DENND3: variants seen among roughly 807,000 people sequenced by gnomAD.
DENND3 encodes the protein DENN domain containing 3.
Under a neutral mutation model 135.1 loss-of-function variants are expected in DENND3, and 88 were observed. The observed-to-expected ratio is 0.65, with a 90% CI of 0.55 to 0.78. The LOEUF (loss-of-function observed/expected upper bound fraction) is 0.78, where lower values mean the gene tolerates loss of function less well. Ranked by LOEUF, DENND3 falls within the 30% of genes least tolerant of loss-of-function variation. DENND3 has a pLI of 0.00. For synonymous variants in DENND3, 693 were observed against 712.3 expected (o/e 0.97, Z 0.43); for missense variants, 1,392 against 1,688.4 (o/e 0.82, Z 3.08).
rs759279025 is a variant in DENND3, at chr8:141,165,277, C to A, written c.1541C>A (p.Ser514Ter). The A allele has an allele frequency of 6.2e-7, 1 of 1,613,892 alleles. No individual in the cohort carries two copies. The highest frequency in any genetic ancestry group is 8.5e-7 in the Non-Finnish European group (1 of 1,179,784). ...AFAQMDLDTQ[S>*]EEDRINGMLL... The stretch of plus-strand genomic sequence containing the variant: ...GCTCAGATGGACCTCGACACCCAGT[C>A]GGAGGAGGACAGGTGCTTCACTGTT... Residue 514 changes from serine (S) to a stop codon, truncating the protein, a stop_gained, in exon 11 of 23, where the codon TCG (serine) becomes TAG (stop). Transcript: ENST00000519811. LOFTEE classifies it high-confidence loss of function.
chr8:141,155,372 T>G (rs1360364985), intron 7 of DENND3, among the ~76,000 whole-genome samples: 1 of 152,142 alleles, frequency 6.6e-6, no homozygotes, highest in African/African-American at 2.4e-5. Flanking sequence ...GTGTAGAAAA[T>G]ATGAGGCTAT....
At chr8:141,147,695 A>G (rs1156738070) in intron 5 of DENND3, among the ~76,000 whole-genome samples, 1 of 152,112 alleles carries the variant, frequency 6.6e-6, no homozygotes, top group East Asian at 1.9e-4. Flanking sequence ...GCTTCTGTGC[A>G]TGTGTTTTTG....
chr8:141,135,030 G>A (rs1010657886), intron 1 of DENND3, among the ~76,000 whole-genome samples: 6 of 152,052 alleles, frequency 3.9e-5, no homozygotes, highest in African/African-American at 7.2e-5. Flanking sequence ...TAGTAGAGAC[G>A]GGGTTTCACT....
In DENND3 at chr8:141,175,955, T is replaced by C. The variant is rs1822277105; in HGVS notation, c.2535+496T>C. The C allele has an allele frequency of 5.3e-6, 1 of 189,018 alleles. No individual in the cohort carries two copies. The highest frequency in any genetic ancestry group is 9.2e-5 in the South Asian group (1 of 10,928). The allele number at this position is 189,018 out of a possible 1,614,324, so 11.7% of individuals were successfully genotyped here. On this transcript the variant is annotated intron_variant, in intron 14 of 22. Transcript: ENST00000519811. This position sits in a 1 kb window ranked among gnomAD's most constrained non-coding sequence, Gnocchi z 5.4. ...TTTTAACATTATATTCTAAAGGTAG[T>C]CATTTTCCCTGTCGAGGAAATCTGA...
intron 13 of DENND3, chr8:141,173,485 G>A (rs974196184): frequency 2.6e-5 from 4 of 152,252 alleles, no homozygotes; most frequent in African/African-American, 9.6e-5. Context: ...GAAGTGAGAT[G>A]TAAGAGATGA....
Position 141,141,249 on chromosome 8 carries a change from G to T in DENND3, c.548G>T (p.Gly183Val). ...GGCAAAACGCACCGGGAGTGTCCTG[G>T]CTGCTTCGTGCCCTTCGCGGTGTGC... Reference protein sequence around the residue: ...YNGKTHRECPGCFVPFAVCVV... With the variant: ...YNGKTHRECPVCFVPFAVCVV... The change falls in exon 4 of 23, where the codon GGC becomes GTC. Residue 183 changes from glycine (G) to valine (V), a missense_variant. Gly to Val is a moderately radical substitution (Grantham distance 109). Transcript: ENST00000519811. The surrounding 1 kb of genome is among the most constrained non-coding windows in gnomAD (Gnocchi z 5.3). 6.2e-7 allele frequency: 1 copy of T among 1,614,226 alleles called. No homozygotes were observed.
At chr8:141,172,540 CCAGG>C (rs1821756615) in intron 13 of DENND3, among the ~76,000 whole-genome samples, 3 of 152,300 alleles carry the variant, frequency 2.0e-5, no homozygotes, top group South Asian at 4.1e-4. Flanking sequence ...CTGCTGTGGA[CCAGG>C]CAGCAAGAAG....
rs983473628 is a variant in DENND3, at chr8:141,192,936, A to T, written c.3636+273A>T. 8 of 1,376,622 alleles carry T rather than the reference A, an allele frequency of 5.8e-6. No individual in the cohort carries two copies. In the African/African-American group the frequency reaches 8.7e-5, roughly 15 times the overall value. The allele number at this position is 1,376,622 out of a possible 1,614,324, so 85.3% of individuals were successfully genotyped here. On this transcript the variant is annotated intron_variant, in intron 22 of 22. Transcript: ENST00000519811. ...GAACTTAATTTTCTCACAGTTCTCGACGCTGGAGGTCCAAAACCAAGGTGT... is the reference window on the plus strand; with the variant it reads ...GAACTTAATTTTCTCACAGTTCTCGTCGCTGGAGGTCCAAAACCAAGGTGT...
At position 141,130,352 on chromosome 8, in the gene DENND3, G is replaced by A. The variant is rs1180802583; in HGVS notation, c.102+1543G>A. The stretch of plus-strand genomic sequence containing the variant: ...TTCAAAGTGCTGGGATTACAGGCGT[G>A]AGCCACTGCGCCTGGCCAGTGGTGC... On this transcript the variant is annotated intron_variant, in intron 1 of 22. Coordinates refer to ENST00000519811, the MANE Select transcript of DENND3 (RefSeq NM_001352890.3). The surrounding 1 kb of genome is among the most constrained non-coding windows in gnomAD (Gnocchi z 4.2). 1.3e-5 allele frequency among the ~76,000 whole-genome samples: 2 copies of A among 152,128 alleles called. No homozygotes were observed. Among genetic ancestry groups the A allele is most frequent in the African/African-American group, 4.8e-5 (2 of 41,420 alleles).
Position 141,138,561 on chromosome 8 carries a change from T to G in DENND3, c.501+424T>G, listed in dbSNP as rs952223814. ...CCACCATGCCCAGCTAATTTTTGTG[T>G]TTTTAGTGGAGACGGGGTTTCACCA... On this transcript the variant is annotated intron_variant, in intron 3 of 22. Transcript: ENST00000519811. The surrounding 1 kb of genome is among the most constrained non-coding windows in gnomAD (Gnocchi z 4.8). Among the ~76,000 whole-genome samples the G allele has an allele frequency of 6.6e-6, 1 of 151,968 alleles. No homozygotes were observed. The highest frequency in any genetic ancestry group is 2.4e-5 in the African/African-American group (1 of 41,342).
At position 141,192,483 on chromosome 8, in the gene DENND3, C is replaced by T. The variant is rs1394411235; in HGVS notation, c.3498+34C>T. On this transcript the variant is annotated intron_variant, in intron 21 of 22. Transcript: ENST00000519811. ...GCAGGGGCTGTGGGCCCAGCATGTG[C>T]GTGGCCCGGGGCCCATAGCCCACAC... The T allele has an allele frequency of 9.3e-6, 15 of 1,612,910 alleles. No individual in the cohort carries two copies. In the East Asian group the frequency reaches 1.6e-4, roughly 17 times the overall value.
At chr8:141,183,386 A>C (rs1256388142) in intron 17 of DENND3, among the ~76,000 whole-genome samples, 2 of 151,042 alleles carry the variant, frequency 1.3e-5, no homozygotes, top group Non-Finnish European at 2.9e-5. Flanking sequence ...GCTGGACTGC[A>C]GGTGCACACC....
At chr8:141,187,948 G>T (rs529270518) in intron 18 of DENND3, among the ~76,000 whole-genome samples, 1 of 152,258 alleles carries the variant, frequency 6.6e-6, no homozygotes, top group African/African-American at 2.4e-5. Context: ...GCACTTTGGG[G>T]GGCCGAAGCA....
Position 141,170,440 on chromosome 8 carries a change from T to C in DENND3, c.2275+1915T>C, listed in dbSNP as rs3802212. ...GTATATGTGTGCGAGTGTGCGTGTGTGCGCGCGCTGTACCTCTCCCTGCGT... is the reference window on the plus strand; with the variant it reads ...GTATATGTGTGCGAGTGTGCGTGTGCGCGCGCGCTGTACCTCTCCCTGCGT... On this transcript the variant is annotated intron_variant, in intron 13 of 22. Transcript: ENST00000519811. Among the ~76,000 whole-genome samples the C allele has an allele frequency of 2.7e-4, 41 of 152,230 alleles. No homozygotes were observed. The East Asian group carries it at 5.2e-3, about 19-fold the overall frequency.
At chr8:141,164,426 G>A (rs942286469) in intron 10 of DENND3, among the ~76,000 whole-genome samples, 1 of 152,280 alleles carries the variant, frequency 6.6e-6, no homozygotes, top group East Asian at 1.9e-4. Context: ...GGGGTGGGCC[G>A]AGAACAGCCT....
chr8:141,165,188 C>A lies in DENND3; in HGVS notation c.1452C>A (p.Val484=), dbSNP rs753175295. 6.2e-7 allele frequency: 1 copy of A among 1,613,794 alleles called. No individual in the cohort carries two copies. Among genetic ancestry groups the A allele is most frequent in the Admixed American group, 1.7e-5 (1 of 60,012 alleles). The change falls in exon 11 of 23, where the codon GTC becomes GTA. Residue 484 remains valine, a splice_region_variant and synonymous_variant. Coordinates refer to ENST00000519811, the MANE Select transcript of DENND3 (RefSeq NM_001352890.3). Reference sequence around the variant, plus strand: ...ACCAGCCCCTCTCTCTTTTCCAGGTCTTAGACACCTACATGTTCCATTCTT... The same window carrying A: ...ACCAGCCCCTCTCTCTTTTCCAGGTATTAGACACCTACATGTTCCATTCTT... ...APGDHQFYKQ[V]LDTYMFHSFL...
At chr8:141,192,761 C>A in intron 22 of DENND3, 98 bp downstream of exon 22, 2 of 1,604,924 alleles carry the variant, frequency 1.2e-6, no homozygotes, top group Non-Finnish European at 1.7e-6. Context: ...CGCCCTCGTG[C>A]CCTCCTGCCT....
At position 141,139,460 on chromosome 8, in the gene DENND3, C is replaced by T. The variant is rs571190857; in HGVS notation, c.501+1323C>T. 4.0e-4 allele frequency among the ~76,000 whole-genome samples: 61 copies of T among 152,306 alleles called. 1 individual carries two copies. The highest frequency in any genetic ancestry group is 1.3e-3 in the African/African-American group (53 of 41,564). On this transcript the variant is annotated intron_variant, in intron 3 of 22. Coordinates refer to ENST00000519811, the MANE Select transcript of DENND3 (RefSeq NM_001352890.3). This position sits in a 1 kb window ranked among gnomAD's most constrained non-coding sequence, Gnocchi z 4.2. ...CAAGAGCAGAACCAAGGTCAGCTCTCGGGCGGTGCATGCAGGGGACCAGCG... is the reference window on the plus strand; with the variant it reads ...CAAGAGCAGAACCAAGGTCAGCTCTTGGGCGGTGCATGCAGGGGACCAGCG...
At chr8:141,180,135 TG>T (rs1348573806) in intron 16 of DENND3, among the ~76,000 whole-genome samples, 11 of 152,180 alleles carry the variant, frequency 7.2e-5, no homozygotes, top group Admixed American at 3.3e-4. Context: ...GGGGCGATGT[TG>T]CACCCCCTCA....
Sources: allele counts gnomAD v4.1 joint callset (sites outside exome capture counted in the v4.1 genomes callset), GRCh38; gene constraint gnomAD v4.1.1; non-coding constraint Gnocchi (gnomAD v3.1); transcripts MANE v1.5; gene names NCBI Gene and HGNC (gene_info 2026-07-23, HGNC 2026-07-21).